Variants in EPB41L4B observed in about 807,000 individuals in gnomAD.
EPB41L4B encodes band 4.1-like protein 4B.
A neutral mutation model predicts 112.5 loss-of-function variants in EPB41L4B; 30 were observed. The ratio of observed to expected loss-of-function variants is 0.27; its 90% CI spans 0.20 to 0.36. The LOEUF (loss-of-function observed/expected upper bound fraction) is 0.36. Ranked by LOEUF, EPB41L4B falls within the 10% of genes least tolerant of loss-of-function variation. The pLI is 1.00. For missense variants in EPB41L4B, 1,024 were observed against 1,133.3 expected, an observed-to-expected ratio of 0.90 and a Z score of 1.38; for synonymous variants, 408 against 439.7, an observed-to-expected ratio of 0.93 and a Z score of 0.90.
At chr9:109,286,963 T>C (rs1836310349) in intron 1 of EPB41L4B, among the ~76,000 whole-genome samples, 1 of 152,226 alleles carries the variant, frequency 6.6e-6, no homozygotes, top group South Asian at 2.1e-4. Flanking sequence ...CTTGCATCAA[T>C]GTTTTCTAGT....
chr9:109,245,515 A>G (rs1834520571), intron 14 of EPB41L4B, among the ~76,000 whole-genome samples: 1 of 152,230 alleles, frequency 6.6e-6, no homozygotes, highest in African/African-American at 2.4e-5. Flanking sequence ...GACTGTGTGC[A>G]TGTTTGCTTG....
At chr9:109,235,913 TC>T (rs924062585) in intron 15 of EPB41L4B, among the ~76,000 whole-genome samples, 61 of 152,292 alleles carry the variant, frequency 4.0e-4, no homozygotes, top group African/African-American at 1.2e-3. Flanking sequence ...TGGCCAAAGG[TC>T]CCATGGCTAG....
intron 1 of EPB41L4B, among the ~76,000 whole-genome samples, chr9:109,312,859 C>T (rs138642278): frequency 4.6e-5 from 7 of 152,254 alleles, no homozygotes; most frequent in Admixed American, 1.3e-4. Context: ...ATCTTCCACG[C>T]GTTTCCACCT....
intron 2 of EPB41L4B, among the ~76,000 whole-genome samples, chr9:109,275,303 T>G (rs1024327873): frequency 1.3e-5 from 2 of 152,158 alleles, no homozygotes; most frequent in African/African-American, 4.8e-5. Flanking sequence ...GGGAACACCA[T>G]TGCTTGAAGG....
intron 15 of EPB41L4B, among the ~76,000 whole-genome samples, chr9:109,218,121 T>C (rs991496905): frequency 8.2e-6 from 1 of 121,716 alleles, no homozygotes; most frequent in Non-Finnish European, 1.6e-5. Context: ...CTAATACTAA[T>C]AATTCTTTTT....
intron 4 of EPB41L4B, among the ~76,000 whole-genome samples, chr9:109,265,329 C>T (rs923597445): frequency 1.3e-5 from 2 of 152,182 alleles, no homozygotes; most frequent in South Asian, 2.1e-4. Context: ...AGAAGAGAGC[C>T]GAACGTGGCA....
At chr9:109,235,287 C>T (rs1482162038) in intron 15 of EPB41L4B, among the ~76,000 whole-genome samples, 1 of 151,544 alleles carries the variant, frequency 6.6e-6, no homozygotes, top group Non-Finnish European at 1.5e-5. Context: ...AATGCTCTTA[C>T]ATCTGATCTG....
In EPB41L4B at chr9:109,264,832, T is replaced by C. The variant is rs932234840; in HGVS notation, c.578+148A>G. 52 of 558,958 alleles carry C rather than the reference T, an allele frequency of 9.3e-5. 1 individual carries two copies. Among genetic ancestry groups the C allele is most frequent in the Non-Finnish European group, 1.5e-4 (48 of 328,364 alleles). 34.6% of individuals were successfully genotyped at this position (558,958 alleles called of 1,614,324 possible). A position where few individuals can be genotyped will look rare whatever the true frequency, so the allele number is the denominator to read the frequency against. ...TAAAATAGGATGATAATGACAGTGA[T>C]ACAAGTATTAGACTCACTTTACAAT... On this transcript the variant is annotated intron_variant, in intron 5 of 25. Coordinates refer to ENST00000374566, the MANE Select transcript of EPB41L4B (RefSeq NM_019114.5).
In EPB41L4B at chr9:109,265,034, A is replaced by G. The variant is rs375387291; in HGVS notation, c.534-10T>C. The G allele has an allele frequency of 3.7e-5, 60 of 1,602,034 alleles. No individual in the cohort carries two copies. The African/African-American group carries it at 7.4e-4, about 20-fold the overall frequency. ...TAAAACAAACAGGTACCTGACAAAC[A>G]TATACAAAAGTCAACAGAGGGTAAC... On this transcript the variant is annotated splice_polypyrimidine_tract_variant and intron_variant, in intron 4 of 25. Coordinates refer to ENST00000374566, the MANE Select transcript of EPB41L4B (RefSeq NM_019114.5).
chr9:109,268,078 A>T (rs981636098), intron 3 of EPB41L4B, among the ~76,000 whole-genome samples: 4 of 152,238 alleles, frequency 2.6e-5, no homozygotes, highest in Admixed American at 6.5e-5. Context: ...TCTATGTTGT[A>T]ACTCATTAGA....
At chr9:109,262,985 C>A in intron 6 of EPB41L4B, 65 bp downstream of exon 6, 1 of 1,110,292 alleles carries the variant, frequency 9.0e-7, no homozygotes, top group Non-Finnish European at 1.3e-6. Context: ...ATACTGTGGA[C>A]ACTCATTTGT....
intron 1 of EPB41L4B, among the ~76,000 whole-genome samples, chr9:109,285,215 C>A (rs999485): frequency 0.17 from 26,402 of 152,240 alleles, 2,914 homozygotes; most frequent in Admixed American, 0.24. Context: ...ACTGAACCAT[C>A]ACAGCTCTAC....
intron 19 of EPB41L4B, 141 bp from the exon 20 acceptor site, chr9:109,200,475 G>A (rs1367950039): frequency 3.2e-5 from 17 of 528,090 alleles, no homozygotes; most frequent in East Asian, 1.5e-4. Flanking sequence ...CCTTTCTACC[G>A]TACTTAGTTC....
chr9:109,225,159 T>G (rs1833715642), intron 15 of EPB41L4B, among the ~76,000 whole-genome samples: 1 of 152,228 alleles, frequency 6.6e-6, no homozygotes, highest in Non-Finnish European at 1.5e-5. Flanking sequence ...TCCACTGTGC[T>G]AAGAAAAGTA....
chr9:109,302,877 T>C (rs956327888), intron 1 of EPB41L4B, among the ~76,000 whole-genome samples: 1 of 151,818 alleles, frequency 6.6e-6, no homozygotes, highest in African/African-American at 2.4e-5. Context: ...TCCTCAAACA[T>C]AAGAGACAGT....
intron 1 of EPB41L4B, among the ~76,000 whole-genome samples, chr9:109,295,769 C>T (rs527890029): frequency 1.8e-4 from 27 of 152,008 alleles, no homozygotes; most frequent in Non-Finnish European, 3.5e-4. Flanking sequence ...CCAAAAAAAA[C>T]CCCCAGACAG....
chr9:109,244,940 T>C (rs1834493672), intron 14 of EPB41L4B, among the ~76,000 whole-genome samples: 1 of 152,248 alleles, frequency 6.6e-6, no homozygotes, highest in Non-Finnish European at 1.5e-5. Context: ...TCCATTTTCA[T>C]GGACCTGAGA....
chr9:109,263,852 C>T (rs1173876342), intron 5 of EPB41L4B, among the ~76,000 whole-genome samples: 1 of 152,204 alleles, frequency 6.6e-6, no homozygotes, highest in African/African-American at 2.4e-5. Context: ...GGTCATCCAG[C>T]TGGAAAGGAG....
chr9:109,217,074 G>A lies in EPB41L4B; in HGVS notation c.1481C>T (p.Thr494Ile). 6.2e-7 allele frequency: 1 copy of A among 1,614,194 alleles called. No individual in the cohort carries two copies. Among genetic ancestry groups the A allele is most frequent in the Non-Finnish European group, 8.5e-7 (1 of 1,180,044 alleles). ...TCCTGAAGCTGCGGTGAGGAACGGT[G>A]TGCCCCCATTCTCCTCAATGCCAAA... is the stretch of plus-strand genomic sequence containing the variant. ...LPFGIEENGG[T>I]PFLTAASGRH... The change falls in exon 16 of 26, where the codon ACA becomes ATA. Residue 494 changes from threonine to isoleucine, a missense_variant. Thr to Ile is a moderately conservative substitution (Grantham distance 89). Coordinates refer to ENST00000374566, the MANE Select transcript of EPB41L4B (RefSeq NM_019114.5).
Sources: gnomAD v4.1 joint callset for allele counts (sites outside exome capture counted in the v4.1 genomes callset) on GRCh38, gnomAD v4.1.1 for gene constraint, MANE v1.5 for transcripts, NCBI Gene and HGNC (gene_info 2026-07-23, HGNC 2026-07-21) for gene names.